SDK1: variants seen among roughly 807,000 people sequenced by gnomAD.
The protein encoded by SDK1 is sidekick cell adhesion molecule 1.
A neutral mutation model predicts 245.5 loss-of-function variants in SDK1; 157 were observed. That is an observed-to-expected ratio of 0.64 (90% confidence interval 0.56 to 0.73). The LOEUF (loss-of-function observed/expected upper bound fraction) is 0.73. SDK1 is among the 30% of genes least tolerant of loss of function. The pLI is 0.00. For missense variants in SDK1, 3,583 were observed against 3,002.3 expected (o/e 1.19, Z -4.52); for synonymous variants, 1,647 against 1,278.5 (o/e 1.29, Z -6.15).
intron 28 of SDK1, 174 bp downstream of exon 28, chr7:4,132,597 T>C (rs1393693793): frequency 3.7e-6 from 2 of 539,276 alleles, no homozygotes; most frequent in Non-Finnish European, 6.9e-6. Context: ...CATGATGGCA[T>C]GCACCTGTTG....
chr7:4,003,189 C>T (rs539131459), intron 14 of SDK1, among the ~76,000 whole-genome samples: 1 of 152,278 alleles, frequency 6.6e-6, no homozygotes, highest in Non-Finnish European at 1.5e-5. Flanking sequence ...CTGCTCTTCT[C>T]ATGCAAAACA....
chr7:3,915,159 C>T (rs76608067), intron 5 of SDK1, among the ~76,000 whole-genome samples: 2,210 of 152,304 alleles, frequency 0.015, 62 homozygotes, highest in African/African-American at 0.05. Flanking sequence ...ATGCAAATGA[C>T]GTGGTAGGAG....
At chr7:4,127,696 G>A (rs1784480892) in intron 26 of SDK1, among the ~76,000 whole-genome samples, 200 bp downstream of exon 26, 1 of 152,236 alleles carries the variant, frequency 6.6e-6, no homozygotes, top group Non-Finnish European at 1.5e-5. Flanking sequence ...GTATAACTAT[G>A]ACACAAATGC....
At chr7:3,360,819 G>C (rs1780931103) in intron 1 of SDK1, among the ~76,000 whole-genome samples, 1 of 152,118 alleles carries the variant, frequency 6.6e-6, no homozygotes. Flanking sequence ...ATGTAATTGT[G>C]AGTGCTGGGA....
chr7:3,413,862 T>G (rs892756460), intron 1 of SDK1, among the ~76,000 whole-genome samples: 1 of 152,118 alleles, frequency 6.6e-6, no homozygotes, highest in East Asian at 1.9e-4. Flanking sequence ...GGCACATGTT[T>G]GTGGTCCCAG....
intron 1 of SDK1, among the ~76,000 whole-genome samples, chr7:3,559,674 T>C (rs1317942479): frequency 6.6e-6 from 1 of 151,984 alleles, no homozygotes. Context: ...CCATTTGTGA[T>C]TTCTAAATAG....
At chr7:3,454,423 T>TGTGTGTGTGTGC (rs1554273965) in intron 1 of SDK1, among the ~76,000 whole-genome samples, 2,955 of 149,894 alleles carry the variant, frequency 0.02, 47 homozygotes, top group South Asian at 0.036. Context: ...TGTGTGTGTG[T>TGTGTGTGTGTGC]GCTGTGTACA....
At chr7:4,110,998 A>T (rs1783302407) in intron 23 of SDK1, among the ~76,000 whole-genome samples, 1 of 152,164 alleles carries the variant, frequency 6.6e-6, no homozygotes, top group Non-Finnish European at 1.5e-5. Context: ...TTCTATCAGT[A>T]CCAGCTGGCA....
chr7:4,234,559 G>A (rs1228750808), intron 41 of SDK1, among the ~76,000 whole-genome samples: 4 of 152,270 alleles, frequency 2.6e-5, no homozygotes, highest in African/African-American at 9.6e-5. Context: ...AGAGCCGTGG[G>A]TGGGGGAGCT....
intron 25 of SDK1, among the ~76,000 whole-genome samples, chr7:4,124,452 C>G (rs1203557939): frequency 6.6e-6 from 1 of 152,168 alleles, no homozygotes; most frequent in Non-Finnish European, 1.5e-5. Flanking sequence ...CCTCCCATGG[C>G]ACTCTCCCTG....
chr7:3,814,429 G>A (rs1331128386), intron 4 of SDK1, among the ~76,000 whole-genome samples: 13 of 151,280 alleles, frequency 8.6e-5, no homozygotes. Context: ...TTGTAGGTAT[G>A]CGGCGTTATT....
intron 5 of SDK1, among the ~76,000 whole-genome samples, chr7:3,930,475 C>T (rs372909876): frequency 2.0e-5 from 3 of 152,320 alleles, no homozygotes; most frequent in African/African-American, 2.4e-5. Flanking sequence ...CTCAAGAATA[C>T]CAGTAAAGCC....
intron 5 of SDK1, among the ~76,000 whole-genome samples, chr7:3,851,214 T>C (rs1780411494): frequency 6.6e-6 from 1 of 152,200 alleles, no homozygotes. Flanking sequence ...AGAGATGCTA[T>C]CTGCCCCAAA....
At chr7:3,886,967 T>C (rs758111174) in intron 5 of SDK1, among the ~76,000 whole-genome samples, 6 of 152,212 alleles carry the variant, frequency 3.9e-5, no homozygotes, top group Non-Finnish European at 8.8e-5. Context: ...TGAAACATTA[T>C]GTTGCAGCCT....
chr7:3,456,237 A>G (rs976065988), intron 1 of SDK1, among the ~76,000 whole-genome samples: 11 of 152,224 alleles, frequency 7.2e-5, no homozygotes, highest in Middle Eastern at 3.4e-3. Context: ...AGCTTCTTGA[A>G]TCTGTAGATT....
chr7:3,954,731 T>A (rs983155310), intron 7 of SDK1, among the ~76,000 whole-genome samples: 6 of 149,578 alleles, frequency 4.0e-5, no homozygotes, highest in Non-Finnish European at 7.4e-5. Context: ...AGTTTCCACA[T>A]CCATAAAATG....
At chr7:3,977,681 C>T (rs1362328615) in intron 13 of SDK1, among the ~76,000 whole-genome samples, 7 of 152,366 alleles carry the variant, frequency 4.6e-5, no homozygotes, top group South Asian at 4.1e-4. Flanking sequence ...CTTCCCTGCG[C>T]GCAGCTGATC....
intron 17 of SDK1, among the ~76,000 whole-genome samples, chr7:4,036,044 T>C (rs1198087144): frequency 1.3e-5 from 2 of 152,182 alleles, no homozygotes. Context: ...TCGGTGAACA[T>C]AACATTTTCT....
At chr7:4,146,371 ACAC>A (rs1779982531) in intron 29 of SDK1, among the ~76,000 whole-genome samples, 1 of 150,696 alleles carries the variant, frequency 6.6e-6, no homozygotes, top group Admixed American at 6.6e-5. Context: ...CTTCTGCCTC[ACAC>A]CTGCTCTCTC....
Sources: gnomAD v4.1 joint callset for allele counts (sites outside exome capture counted in the v4.1 genomes callset) on GRCh38, gnomAD v4.1.1 for gene constraint, MANE v1.5 for transcripts, NCBI Gene and HGNC (gene_info 2026-07-23, HGNC 2026-07-21) for gene names.